PCDH8: variants seen among roughly 807,000 people sequenced by gnomAD.
PCDH8 encodes protocadherin 8.
In PCDH8, 36 loss-of-function variants were observed where a neutral mutation model predicts 58.2. The observed-to-expected ratio is 0.62, with a 90% CI of 0.47 to 0.82. The LOEUF (loss-of-function observed/expected upper bound fraction) is 0.82, where lower values mean the gene tolerates loss of function less well. Among genes scored for constraint, PCDH8 ranks in the 40% least tolerant of loss-of-function variants. The probability of loss-of-function intolerance (pLI) is 0.00; values close to 1 mark genes in which losing one functional copy is unlikely to be tolerated. For synonymous variants in PCDH8, 775 were observed against 728.9 expected, an observed-to-expected ratio of 1.06 and a Z score of -1.02; for missense variants, 1,493 against 1,567.8, an observed-to-expected ratio of 0.95 and a Z score of 0.81.
In PCDH8 at chr13:52,844,497, C is replaced by T. The variant is rs1309196185; in HGVS notation, c.*63G>A. The T allele has an allele frequency of 8.6e-6, 12 of 1,395,594 alleles. No individual in the cohort carries two copies. In the African/African-American group the frequency reaches 8.7e-5, roughly 10 times the overall value. 86.5% of individuals were successfully genotyped at this position (1,395,594 alleles called of 1,614,324 possible). ...ATATTTATATATACAACACTGAAAC[C>T]GGTCAATAACTTAGGGGCTTCTCGG... On this transcript the variant is annotated 3_prime_UTR_variant, in exon 3 of 3. Transcript: ENST00000377942.
At position 52,847,465 on chromosome 13, in the gene PCDH8, C is replaced by T. The variant is rs1965760444; in HGVS notation, c.972G>A (p.Val324=). Residue 324 remains valine, a synonymous_variant, in exon 1 of 3, where the codon GTG becomes GTA. Transcript: ENST00000377942. ...YERQDTYELD[V]RAQDRGPGPR... ...GCCCGGGTCCGCGGTCCTGCGCCCG[C>T]ACGTCCAGCTCGTAGGTGTCCTGAC... The T allele has an allele frequency of 6.3e-7, 1 of 1,591,358 alleles. No homozygotes were observed. Among genetic ancestry groups the T allele is most frequent in the Non-Finnish European group, 8.5e-7 (1 of 1,175,196 alleles).
rs1965727553 is a variant in PCDH8 at position 52,846,042 on chromosome 13, C to T, written c.2395G>A (p.Ala799Thr). The part of the protein sequence containing the change: ...EERPGAAGGG[A>T]SAPGSPEEAA... ...TCCTCCGGGGAGCCGGGAGCCGAGG[C>T]TCCGCCGCCCGCCGCCCCGGGCCGC... is the stretch of plus-strand genomic sequence containing the variant. The change falls in exon 1 of 3, where the codon GCC (alanine) becomes ACC (threonine). Residue 799 changes from alanine to threonine, a missense_variant. Around this residue, in one of 3 missense-constraint regions of PCDH8, gnomAD observed 1,307 missense variants for 1,362.7 expected, o/e 0.96. Coordinates refer to ENST00000377942, the MANE Select transcript of PCDH8 (RefSeq NM_002590.4). 6.7e-7 allele frequency: 1 copy of T among 1,501,140 alleles called. No homozygotes were observed. The allele number at this position is 1,501,140 out of a possible 1,614,324, so 93.0% of individuals were successfully genotyped here.
chr13:52,846,700 G>C lies in PCDH8; in HGVS notation c.1737C>G (p.Ile579Met). Reference sequence around the variant, plus strand: ...GAGGGGAGCCGCCGTCGCTAGCTTGGATGCGAACGTCGAGTTGGCGCAGCG... The same window carrying C: ...GAGGGGAGCCGCCGTCGCTAGCTTGCATGCGAACGTCGAGTTGGCGCAGCG... ...YETLRQLDVR[I>M]QASDGGSPQL... is the part of the protein sequence containing the mutation. The change falls in exon 1 of 3, where the codon ATC (isoleucine) becomes ATG (methionine). Residue 579 changes from isoleucine (I) to methionine (M), a missense_variant. This residue lies in a region of PCDH8 where 1,307 missense variants were observed against 1,362.7 expected (regional missense o/e 0.96). Transcript: ENST00000377942. 2 of 1,599,348 alleles carry C rather than the reference G, an allele frequency of 1.3e-6. No individual in the cohort carries two copies. Among genetic ancestry groups the C allele is most frequent in the Non-Finnish European group, 1.7e-6 (2 of 1,177,128 alleles).
intron 2 of PCDH8, 117 bp from the exon 3 acceptor site, chr13:52,845,050 G>T (rs1965708600): frequency 4.6e-6 from 5 of 1,090,000 alleles, no homozygotes; most frequent in Middle Eastern, 2.4e-4. Context: ...AAGGCTGTGC[G>T]CATAGATATA....
chr13:52,848,477 T>G lies in PCDH8; in HGVS notation c.-41A>C, dbSNP rs752340506. The G allele has an allele frequency of 3.9e-6, 6 of 1,527,016 alleles. No homozygotes were observed. Among genetic ancestry groups the G allele is most frequent in the Middle Eastern group, 3.5e-4 (2 of 5,732 alleles). 94.6% of individuals were successfully genotyped at this position (1,527,016 alleles called of 1,614,324 possible). A position where few individuals can be genotyped will look rare whatever the true frequency, so the allele number is the denominator to read the frequency against. On this transcript the variant is annotated 5_prime_UTR_variant, in exon 1 of 3. Coordinates refer to ENST00000377942, the MANE Select transcript of PCDH8 (RefSeq NM_002590.4). The stretch of plus-strand genomic sequence containing the variant: ...TGCGATCCGAAAGGCTAAGGAAGTC[T>G]TCTCTGGTTTCCAGGTCGGGCGTCA...
chr13:52,846,823 C>T lies in PCDH8; in HGVS notation c.1614G>A (p.Glu538=). The T allele has an allele frequency of 6.5e-7, 1 of 1,549,492 alleles. No individual in the cohort carries two copies. The highest frequency in any genetic ancestry group is 1.9e-5 in the Admixed American group (1 of 52,510). Residue 538 remains glutamate (E), a synonymous_variant, in exon 1 of 3, where the codon GAG becomes GAA. Coordinates refer to ENST00000377942, the MANE Select transcript of PCDH8 (RefSeq NM_002590.4). The part of the protein sequence containing the change: ...RNGQVTYRLL[E]AEVGRAGGAV... Reference sequence around the variant, plus strand: ...CGCCCCCGGCGCGGCCCACCTCGGCCTCCAGCAGCCGGTAGGTGACCTGGC... The same window carrying T: ...CGCCCCCGGCGCGGCCCACCTCGGCTTCCAGCAGCCGGTAGGTGACCTGGC...
rs758857191 is a variant in PCDH8 at position 52,846,498 on chromosome 13, C to G, written c.1939G>C (p.Gly647Arg). The G allele has an allele frequency of 5.0e-6, 8 of 1,597,564 alleles. No individual in the cohort carries two copies. Among genetic ancestry groups the G allele is most frequent in the Non-Finnish European group, 5.1e-6 (6 of 1,178,866 alleles). The stretch of plus-strand genomic sequence containing the variant: ...TGCTGCAGCTCGAACGCCAGCTCCC[C>G]GTTGGCTCCCTCGTCTGCATCCCGG... The part of the protein sequence containing the change: ...QARDADEGAN[G>R]ELAFELQQQE... Residue 647 changes from glycine to arginine, a missense_variant, in exon 1 of 3, where the codon GGG becomes CGG. By Grantham distance (125) the Gly-to-Arg change is moderately radical. This residue lies in a region of PCDH8 where 1,307 missense variants were observed against 1,362.7 expected (regional missense o/e 0.96). Transcript: ENST00000377942.
rs1205313612 is a variant in PCDH8, at chr13:52,843,834, T to C, written c.*726A>G. On this transcript the variant is annotated 3_prime_UTR_variant, in exon 3 of 3. Coordinates refer to ENST00000377942, the MANE Select transcript of PCDH8 (RefSeq NM_002590.4). ...ATACTTGGGTGACATTTTGCAATAC[T>C]TGAAATCCTACAGGTTTAATATTGT... 6.6e-6 allele frequency: 1 copy of C among 152,252 alleles called. No individual in the cohort carries two copies. The highest frequency in any genetic ancestry group is 2.4e-5 in the African/African-American group (1 of 41,476). 9.4% of individuals were successfully genotyped at this position (152,252 alleles called of 1,614,324 possible). A position where few individuals can be genotyped will look rare whatever the true frequency, so the allele number is the denominator to read the frequency against.
chr13:52,847,587 C>T lies in PCDH8; in HGVS notation c.850G>A (p.Ala284Thr). 6.4e-7 allele frequency: 1 copy of T among 1,563,886 alleles called. No individual in the cohort carries two copies. Among genetic ancestry groups the T allele is most frequent in the South Asian group, 1.2e-5 (1 of 86,314 alleles). The change falls in exon 1 of 3, where the codon GCA becomes ACA. Residue 284 changes from alanine to threonine, a missense_variant. By Grantham distance (58) the Ala-to-Thr change is moderately conservative. Coordinates refer to ENST00000377942, the MANE Select transcript of PCDH8 (RefSeq NM_002590.4). The part of the protein sequence containing the change: ...DEGPNGDVVF[A>T]FGARTPPEAR... The stretch of plus-strand genomic sequence containing the variant: ...TCCGGCGGGGTGCGGGCGCCAAATG[C>T]GAACACCACGTCGCCGTTAGGTCCC...
At position 52,844,620 on chromosome 13, in the gene PCDH8, G is replaced by A. The variant is rs372671244; in HGVS notation, c.3153C>T (p.Leu1051=). The A allele has an allele frequency of 1.7e-5, 27 of 1,612,978 alleles. No homozygotes were observed. The highest frequency in any genetic ancestry group is 2.3e-5 in the Non-Finnish European group (27 of 1,179,366). Residue 1051 remains leucine (L), a synonymous_variant, in exon 3 of 3, where the codon CTC becomes CTT. Transcript: ENST00000377942. Reference sequence around the variant, plus strand: ...GGTACCTGCCAGGAGGGGACTGGTAGAGGGGTACTCCAATCTCCTGCAGGT... The same window carrying A: ...GGTACCTGCCAGGAGGGGACTGGTAAAGGGGTACTCCAATCTCCTGCAGGT... The part of the protein sequence containing the change: ...LPDLQEIGVP[L]YQSPPGRYLS...
At chr13:52,845,687 C>G (rs1965718183) in intron 1 of PCDH8, 55 bp from the exon 2 acceptor site, 1 of 1,589,776 alleles carries the variant, frequency 6.3e-7, no homozygotes, top group African/African-American at 1.3e-5. Context: ...AAGAAACAAA[C>G]AAAAAACAAG....
chr13:52,846,347 C>A lies in PCDH8; in HGVS notation c.2090G>T (p.Arg697Leu). 6.4e-7 allele frequency: 1 copy of A among 1,562,988 alleles called. No homozygotes were observed. Among genetic ancestry groups the A allele is most frequent in the Non-Finnish European group, 8.6e-7 (1 of 1,156,344 alleles). Residue 697 changes from arginine (R) to leucine (L), a missense_variant, in exon 1 of 3, where the codon CGT (arginine) becomes CTT (leucine). By Grantham distance (102) the Arg-to-Leu change is moderately radical. Transcript: ENST00000377942. The part of the protein sequence containing the change: ...RALLVISDGG[R>L]PPLTTTATVS... ...AGTTGCGGTGGTGGTGAGCGGGGGACGGCCGCCGTCGGATATGACCAGGAG... is the reference window on the plus strand; with the variant it reads ...AGTTGCGGTGGTGGTGAGCGGGGGAAGGCCGCCGTCGGATATGACCAGGAG...
Position 52,844,022 on chromosome 13 carries a change from C to T in PCDH8, c.*538G>A, listed in dbSNP as rs1229931607. The T allele has an allele frequency of 2.0e-5, 3 of 152,592 alleles. No homozygotes were observed. Among genetic ancestry groups the T allele is most frequent in the Middle Eastern group, 3.2e-3 (1 of 316 alleles). 9.5% of individuals were successfully genotyped at this position (152,592 alleles called of 1,614,324 possible). A position where few individuals can be genotyped will look rare whatever the true frequency, so the allele number is the denominator to read the frequency against. ...TTTATTACTGTGCTTATAAGTGACACGGTTTACGGAAAACCAAATGTAATT... is the reference window on the plus strand; with the variant it reads ...TTTATTACTGTGCTTATAAGTGACATGGTTTACGGAAAACCAAATGTAATT... On this transcript the variant is annotated 3_prime_UTR_variant, in exon 3 of 3. Transcript: ENST00000377942.
chr13:52,844,803 G>A lies in PCDH8; in HGVS notation c.2970C>T (p.Ser990=). The change falls in exon 3 of 3, where the codon AGC becomes AGT. Residue 990 remains serine, a synonymous_variant. Transcript: ENST00000377942. The part of the protein sequence containing the change: ...PPAQMSTFCK[S]TSLPRDPLRR... ...GCAGAGGATCCCGAGGCAGTGACGTGCTCTTACAGAAGGTTGACATCTGGG... is the reference window on the plus strand; with the variant it reads ...GCAGAGGATCCCGAGGCAGTGACGTACTCTTACAGAAGGTTGACATCTGGG... 2 of 1,613,198 alleles carry A rather than the reference G, an allele frequency of 1.2e-6. No individual in the cohort carries two copies. Among genetic ancestry groups the A allele is most frequent in the Non-Finnish European group, 1.7e-6 (2 of 1,179,584 alleles).
Position 52,847,262 on chromosome 13 carries a change from G to A in PCDH8, c.1175C>T (p.Thr392Met), listed in dbSNP as rs752327368. Residue 392 changes from threonine (T) to methionine (M), a missense_variant, in exon 1 of 3, where the codon ACG becomes ATG. By Grantham distance (81) the Thr-to-Met change is moderately conservative (BLOSUM62 -1). Transcript: ENST00000377942. ...CAGCGAAGTGGCACCAGCCTCCGGC[G>A]TCCCGGCTCCCGCCGGCGAGCTAGC... is the stretch of plus-strand genomic sequence containing the variant. ...ADASSPAGAG[T>M]PEAGATSLVP... 4 of 1,376,112 alleles carry A rather than the reference G, an allele frequency of 2.9e-6. No individual in the cohort carries two copies. Among genetic ancestry groups the A allele is most frequent in the Non-Finnish European group, 3.7e-6 (4 of 1,071,268 alleles). The allele number at this position is 1,376,112 out of a possible 1,614,324, so 85.2% of individuals were successfully genotyped here. A position where few individuals can be genotyped will look rare whatever the true frequency, so the allele number is the denominator to read the frequency against.
rs1406041811 is a variant in PCDH8 at position 52,844,037 on chromosome 13, CA to C, written c.*522del. Reference sequence around the variant, plus strand: ...ATAAGTGACACGGTTTACGGAAAACCAAATGTAATTAAATAACATTGAACTT... The same window carrying C: ...ATAAGTGACACGGTTTACGGAAAACCAATGTAATTAAATAACATTGAACTT... On this transcript the variant is annotated 3_prime_UTR_variant, in exon 3 of 3. Transcript: ENST00000377942. 6.6e-6 allele frequency: 1 copy of C among 152,544 alleles called. No homozygotes were observed. Among genetic ancestry groups the C allele is most frequent in the African/African-American group, 2.4e-5 (1 of 41,412 alleles). The allele number at this position is 152,544 out of a possible 1,614,324, so 9.4% of individuals were successfully genotyped here.
At position 52,846,424 on chromosome 13, in the gene PCDH8, T is replaced by C. The variant is rs990506586; in HGVS notation, c.2013A>G (p.Ile671Met). Reference protein sequence around the residue: ...AFAIGRRTGEILLTGDLSQEP... With the variant: ...AFAIGRRTGEMLLTGDLSQEP... ...CCTGCGAGAGGTCGCCGGTGAGCAG[T>C]ATCTCCCCCGTGCGGCGGCCGATGG... is the stretch of plus-strand genomic sequence containing the variant. Residue 671 changes from isoleucine to methionine, a missense_variant, in exon 1 of 3, where the codon ATA (isoleucine) becomes ATG (methionine). By Grantham distance (10) the Ile-to-Met change is conservative. Around this residue, in one of 3 missense-constraint regions of PCDH8, gnomAD observed 1,307 missense variants for 1,362.7 expected, o/e 0.96. Coordinates refer to ENST00000377942, the MANE Select transcript of PCDH8 (RefSeq NM_002590.4). 3 of 1,600,156 alleles carry C rather than the reference T, an allele frequency of 1.9e-6. No homozygotes were observed. The highest frequency in any genetic ancestry group is 2.2e-5 in the East Asian group (1 of 44,790).
In PCDH8 at chr13:52,844,194, G is replaced by A. The variant is rs1965694779; in HGVS notation, c.*366C>T. 1 of 155,648 alleles carries A rather than the reference G, an allele frequency of 6.4e-6. No homozygotes were observed. Among genetic ancestry groups the A allele is most frequent in the African/African-American group, 2.4e-5 (1 of 41,578 alleles). 9.6% of individuals were successfully genotyped at this position (155,648 alleles called of 1,614,324 possible). On this transcript the variant is annotated 3_prime_UTR_variant, in exon 3 of 3. Transcript: ENST00000377942. ...AACATGTTTTGTTTTTTGTCTTACA[G>A]ACAGTTCCTTTGGCAATAACTTCCA...
rs775749792 is a variant in PCDH8, at chr13:52,848,107, G to A, written c.330C>T (p.Ser110=). The A allele has an allele frequency of 6.2e-7, 1 of 1,612,846 alleles. No homozygotes were observed. Among genetic ancestry groups the A allele is most frequent in the East Asian group, 2.2e-5 (1 of 44,862 alleles). Residue 110 remains serine, a synonymous_variant, in exon 1 of 3, where the codon AGC becomes AGT. Transcript: ENST00000377942. ...CCAGCCGGAACTGCTCCTGCGAGAA[G>A]CTGACCACATCGAAGGCCAGCACGC... The part of the protein sequence containing the change: ...PQCVLAFDVV[S]FSQEQFRLVH...
Sources: gnomAD v4.1 joint callset for allele counts on GRCh38, gnomAD v4.1.1 for gene constraint, gnomAD v4.1.1 regional missense constraint, MANE v1.5 for transcripts, NCBI Gene and HGNC (gene_info 2026-07-23, HGNC 2026-07-21) for gene names.